Variants in WEE2 observed in about 807,000 individuals in gnomAD.
The protein encoded by WEE2 is wee1-like protein kinase 2.
A neutral mutation model predicts 60.1 loss-of-function variants in WEE2; 50 were observed. That is an observed-to-expected ratio of 0.83 (90% CI 0.66 to 1.05). The LOEUF is 1.05. WEE2 is among the 50% of genes least tolerant of loss of function. The pLI is 0.00. For missense variants in WEE2, 631 were observed against 684.3 expected (o/e 0.92, Z 0.87); for synonymous variants, 240 against 241.0 (o/e 1.00, Z 0.04).
chr7:141,717,703 T>C (rs1174636188), intron 3 of WEE2, among the ~76,000 whole-genome samples: 1 of 152,202 alleles, frequency 6.6e-6, no homozygotes, highest in African/African-American at 2.4e-5. Context: ...AATACTTCTA[T>C]GAAATAGAGC....
intron 6 of WEE2, 99 bp from the exon 7 acceptor site, chr7:141,723,842 G>T: frequency 2.6e-6 from 2 of 782,150 alleles, no homozygotes; most frequent in South Asian, 2.0e-5. Context: ...CACAAAAGAA[G>T]AAAGGAGAGA....
Position 141,730,286 on chromosome 7 carries a change from G to A in WEE2, c.1679-9G>A. ...TAACTTATTTACTTCTCACACTTTT[G>A]ATGAACAGCAGGAGAGCGTGAGCCT... On this transcript the variant is annotated splice_polypyrimidine_tract_variant and intron_variant, in intron 11 of 11. Coordinates refer to ENST00000397541, the MANE Select transcript of WEE2 (RefSeq NM_001105558.1). 1 of 1,612,846 alleles carries A rather than the reference G, an allele frequency of 6.2e-7. No individual in the cohort carries two copies.
chr7:141,722,356 G>T (rs1017938668), intron 5 of WEE2, among the ~76,000 whole-genome samples: 1 of 152,106 alleles, frequency 6.6e-6, no homozygotes, highest in Non-Finnish European at 1.5e-5. Flanking sequence ...AGCGAGCCGA[G>T]ACCATGCCAT....
At position 141,727,463 on chromosome 7, in the gene WEE2, TGGG is replaced by T; in HGVS notation, c.1535+21_1535+23del. 2 of 1,613,378 alleles carry T rather than the reference TGGG, an allele frequency of 1.2e-6. No individual in the cohort carries two copies. Among genetic ancestry groups the T allele is most frequent in the South Asian group, 2.2e-5 (2 of 90,962 alleles). ...ACTGGAAAGGTATATTTTTGGATGA[TGGG>T]GGGTCAAGAAAGAATCTGAGCACTA... On this transcript the variant is annotated intron_variant, in intron 10 of 11. Coordinates refer to ENST00000397541, the MANE Select transcript of WEE2 (RefSeq NM_001105558.1).
intron 10 of WEE2, among the ~76,000 whole-genome samples, chr7:141,728,648 C>T (rs1409914349): frequency 6.6e-6 from 1 of 152,156 alleles, no homozygotes; most frequent in Non-Finnish European, 1.5e-5. Context: ...ATGGGGCAGA[C>T]AGCATCTTGA....
Position 141,721,076 on chromosome 7 carries a change from ATAAC to A in WEE2, c.880+23_880+26del. On this transcript the variant is annotated intron_variant, in intron 5 of 11. Coordinates refer to ENST00000397541, the MANE Select transcript of WEE2 (RefSeq NM_001105558.1). ...GCAATGGTAAGTAGTATATAGATGA[ATAAC>A]TACGAAGAGGGAGATGAACTTTATA... 2 of 1,613,346 alleles carry A rather than the reference ATAAC, an allele frequency of 1.2e-6. No homozygotes were observed. Among genetic ancestry groups the A allele is most frequent in the Non-Finnish European group, 1.7e-6 (2 of 1,179,796 alleles).
chr7:141,718,147 A>T (rs1331439959), intron 3 of WEE2, among the ~76,000 whole-genome samples: 2 of 152,148 alleles, frequency 1.3e-5, no homozygotes, highest in Non-Finnish European at 2.9e-5. Context: ...AGATGTTGAA[A>T]ATGAGGAAGT....
Position 141,711,310 on chromosome 7 carries a change from G to A in WEE2, c.342+2210G>A, listed in dbSNP as rs1798707621. Reference sequence around the variant, plus strand: ...TGAGTGCCAGAGTAAGGAGAGAAGTGGCCCAGTTAGAAATCTTGGATAATG... The same window carrying A: ...TGAGTGCCAGAGTAAGGAGAGAAGTAGCCCAGTTAGAAATCTTGGATAATG... On this transcript the variant is annotated intron_variant, in intron 1 of 11. Coordinates refer to ENST00000397541, the MANE Select transcript of WEE2 (RefSeq NM_001105558.1). This position sits in a 1 kb window ranked among gnomAD's most constrained non-coding sequence, Gnocchi z 4.2. Among the ~76,000 whole-genome samples, 1 of 152,148 alleles carries A rather than the reference G, an allele frequency of 6.6e-6. No individual in the cohort carries two copies. Among genetic ancestry groups the A allele is most frequent in the South Asian group, 2.1e-4 (1 of 4,822 alleles).
At chr7:141,730,061 T>G (rs192197473) in intron 11 of WEE2, among the ~76,000 whole-genome samples, 1 of 150,388 alleles carries the variant, frequency 6.6e-6, no homozygotes, top group Admixed American at 6.6e-5. Context: ...TAAATAGATA[T>G]CAGCTGTCCC....
chr7:141,717,904 C>T (rs538044027), intron 3 of WEE2, among the ~76,000 whole-genome samples: 6 of 152,038 alleles, frequency 3.9e-5, no homozygotes, highest in Admixed American at 1.3e-4. Context: ...GTAGTGAGTG[C>T]GCAGTTGGTA....
chr7:141,725,251 T>C lies in WEE2; in HGVS notation c.1392+55T>C. The C allele has an allele frequency of 3.8e-6, 6 of 1,561,054 alleles. No individual in the cohort carries two copies. The South Asian group carries it at 4.8e-5, about 12-fold the overall frequency. ...TGCAATATCTATTTTTTTAGTGCGA[T>C]GGCAACTAGTTGGGCAAAGAAAAAT... is the stretch of plus-strand genomic sequence containing the variant. On this transcript the variant is annotated intron_variant, in intron 9 of 11. Transcript: ENST00000397541.
chr7:141,730,660 T>C lies in WEE2; in HGVS notation c.*340T>C. ...AACTTGGACATCTCTGAGCTGGTTG[T>C]TAACTTGCAGAACAAAAATGCTGTG... On this transcript the variant is annotated 3_prime_UTR_variant, in exon 12 of 12. Transcript: ENST00000397541. 1 of 200,974 alleles carries C rather than the reference T, an allele frequency of 5.0e-6. No homozygotes were observed. Among genetic ancestry groups the C allele is most frequent in the East Asian group, 1.2e-4 (1 of 8,682 alleles). 12.4% of individuals were successfully genotyped at this position (200,974 alleles called of 1,614,324 possible).
intron 1 of WEE2, among the ~76,000 whole-genome samples, chr7:141,709,431 A>G (rs556103011): frequency 6.6e-6 from 1 of 152,298 alleles, no homozygotes; most frequent in East Asian, 1.9e-4. Flanking sequence ...TGCAGTTTAC[A>G]TATGAGAAAA....
chr7:141,725,453 G>A (rs773419778), intron 9 of WEE2, among the ~76,000 whole-genome samples: 12 of 151,942 alleles, frequency 7.9e-5, no homozygotes, highest in Non-Finnish European at 1.0e-4. Context: ...GTGAAACCCC[G>A]TCTCTACTAA....
chr7:141,724,924 A>G lies in WEE2; in HGVS notation c.1222-102A>G. ...TATCTTTGACCGTCGTGTCTGTTTA[A>G]ACCTTATATGCACTCGAATGAACCT... is the stretch of plus-strand genomic sequence containing the variant. On this transcript the variant is annotated intron_variant, in intron 8 of 11. Transcript: ENST00000397541. 2.2e-6 allele frequency: 3 copies of G among 1,343,906 alleles called. No individual in the cohort carries two copies. In the South Asian group the frequency reaches 4.2e-5, roughly 19 times the overall value. 83.2% of individuals were successfully genotyped at this position (1,343,906 alleles called of 1,614,324 possible).
At chr7:141,720,844 T>C in intron 4 of WEE2, 91 bp from the exon 5 acceptor site, 1 of 1,386,556 alleles carries the variant, frequency 7.2e-7, no homozygotes, top group South Asian at 1.2e-5. Context: ...TATTCTGCCA[T>C]TGCTAGTAAA....
At position 141,724,036 on chromosome 7, in the gene WEE2, A is replaced by C. The variant is rs552800129; in HGVS notation, c.1123A>C (p.Met375Leu). 3 of 1,612,628 alleles carry C rather than the reference A, an allele frequency of 1.9e-6. No homozygotes were observed. The African/African-American group carries it at 4.0e-5, about 22-fold the overall frequency. ...TGATTGGTTTCTCTCTGCCAATGTG[A>C]TGTATAAAATTGGTTAGTCTGCCTT... ...EADWFLSANV[M>L]YKIGDLGHAT... Residue 375 changes from methionine to leucine, a missense_variant, in exon 7 of 12, where the codon ATG becomes CTG. Coordinates refer to ENST00000397541, the MANE Select transcript of WEE2 (RefSeq NM_001105558.1).
intron 2 of WEE2, among the ~76,000 whole-genome samples, chr7:141,715,385 T>A (rs891029734): frequency 1.3e-5 from 2 of 152,212 alleles, no homozygotes; most frequent in African/African-American, 4.8e-5. Flanking sequence ...TATTTTTCCT[T>A]ATTTTTATAA....
chr7:141,729,788 A>C, intron 11 of WEE2, 115 bp downstream of exon 11: 1 of 1,232,668 alleles, frequency 8.1e-7, no homozygotes, highest in Non-Finnish European at 1.1e-6. Flanking sequence ...GGAGATCGAA[A>C]CCATCCTGGC....
Sources: gnomAD v4.1 joint callset for allele counts (sites outside exome capture counted in the v4.1 genomes callset) on GRCh38, gnomAD v4.1.1 for gene constraint, Gnocchi (gnomAD v3.1) non-coding constraint, MANE v1.5 for transcripts, NCBI Gene and HGNC (gene_info 2026-07-23, HGNC 2026-07-21) for gene names.